Variants in ST6GALNAC3 observed in about 807,000 individuals in gnomAD.
ST6GALNAC3 encodes alpha-N-acetylgalactosaminide alpha-2,6-sialyltransferase 3.
A neutral mutation model predicts 32.7 loss-of-function variants in ST6GALNAC3; 25 were observed. The observed-to-expected ratio is 0.76, with a 90% CI of 0.56 to 1.07. The LOEUF (loss-of-function observed/expected upper bound fraction) is 1.07. Among genes scored for constraint, ST6GALNAC3 ranks in the 50% least tolerant of loss-of-function variants. ST6GALNAC3 has a pLI of 0.00. For synonymous variants in ST6GALNAC3, 129 were observed against 133.1 expected, an observed-to-expected ratio of 0.97 and a Z score of 0.21; for missense variants, 355 against 382.4, an observed-to-expected ratio of 0.93 and a Z score of 0.60.
At chr1:76,606,259 G>A (rs1198555595) in intron 3 of ST6GALNAC3, among the ~76,000 whole-genome samples, 1 of 152,032 alleles carries the variant, frequency 6.6e-6, no homozygotes, top group African/African-American at 2.4e-5. Context: ...TAAAGATAGA[G>A]GCATGCATAT....
chr1:76,482,300 G>T (rs1427282354), intron 3 of ST6GALNAC3, among the ~76,000 whole-genome samples: 1 of 152,006 alleles, frequency 6.6e-6, no homozygotes, highest in Non-Finnish European at 1.5e-5. Flanking sequence ...CTTCTGAGTT[G>T]TTAACAATAA....
chr1:76,243,173 T>G (rs1557721590), intron 1 of ST6GALNAC3, among the ~76,000 whole-genome samples: 2 of 152,228 alleles, frequency 1.3e-5, no homozygotes, highest in African/African-American at 4.8e-5. Context: ...GGTATCTCAT[T>G]GTGGTTTTGA....
Position 76,412,186 on chromosome 1 carries a change from C to A in ST6GALNAC3, c.392C>A (p.Thr131Asn). The change falls in exon 3 of 5, where the codon ACC (threonine) becomes AAC (asparagine). Residue 131 changes from threonine (T) to asparagine (N), a missense_variant. By Grantham distance (65) the Thr-to-Asn change is moderately conservative. Coordinates refer to ENST00000328299, the MANE Select transcript of ST6GALNAC3 (RefSeq NM_152996.4). ...RMTMIRVVSH[T>N]SVPLLLKNPD... ...ACCATGATTCGAGTTGTGTCCCATA[C>A]CAGCGTTCCTCTTTTGCTAAAAAAC... 1 of 1,613,708 alleles carries A rather than the reference C, an allele frequency of 6.2e-7. No homozygotes were observed. Among genetic ancestry groups the A allele is most frequent in the Non-Finnish European group, 8.5e-7 (1 of 1,179,800 alleles).
intron 3 of ST6GALNAC3, among the ~76,000 whole-genome samples, chr1:76,452,271 G>C (rs1307117181): frequency 6.6e-6 from 1 of 151,998 alleles, no homozygotes; most frequent in African/African-American, 2.4e-5. Flanking sequence ...TGCCATCCAC[G>C]TAAGATGTGA....
intron 3 of ST6GALNAC3, among the ~76,000 whole-genome samples, chr1:76,416,034 A>AACAC (rs60710007): frequency 0.039 from 5,674 of 144,354 alleles, 147 homozygotes; most frequent in African/African-American, 0.046. Context: ...TTTATTCCAC[A>AACAC]ACACACACAC....
chr1:76,435,273 G>C (rs1255130013), intron 3 of ST6GALNAC3, among the ~76,000 whole-genome samples: 1 of 152,068 alleles, frequency 6.6e-6, no homozygotes, highest in Non-Finnish European at 1.5e-5. Context: ...AAATCAATTT[G>C]AGAATACATA....
intron 1 of ST6GALNAC3, among the ~76,000 whole-genome samples, chr1:76,291,755 TAA>T (rs34393802): frequency 1.5e-4 from 23 of 151,242 alleles, no homozygotes; most frequent in African/African-American, 3.2e-4. Context: ...AGGAATTTAA[TAA>T]AAAAAAAGGG....
In ST6GALNAC3 at chr1:76,392,588, TAGAC is replaced by T. The variant is rs1308347061; in HGVS notation, c.214-19414_214-19411del. On this transcript the variant is annotated intron_variant, in intron 2 of 4. Transcript: ENST00000328299. ...CCCTTAATGAATACAAATAATTTGA[TAGAC>T]AGACAACCAAGAGAGACTTCATTAA... Among the ~76,000 whole-genome samples the T allele has an allele frequency of 7.9e-5, 12 of 152,324 alleles. No individual in the cohort carries two copies. The South Asian group carries it at 8.3e-4, about 11-fold the overall frequency.
At chr1:76,484,977 A>T (rs1477828528) in intron 3 of ST6GALNAC3, among the ~76,000 whole-genome samples, 1 of 152,212 alleles carries the variant, frequency 6.6e-6, no homozygotes, top group African/African-American at 2.4e-5. Flanking sequence ...CTATTGAGAT[A>T]ACCATGTGGT....
At chr1:76,505,308 G>A (rs894059129) in intron 3 of ST6GALNAC3, among the ~76,000 whole-genome samples, 1 of 152,056 alleles carries the variant, frequency 6.6e-6, no homozygotes, top group East Asian at 1.9e-4. Flanking sequence ...ATTTTTACTA[G>A]AGATGGGGTT....
intron 3 of ST6GALNAC3, among the ~76,000 whole-genome samples, chr1:76,599,083 G>A (rs2100618416): frequency 6.6e-6 from 1 of 152,004 alleles, no homozygotes; most frequent in Non-Finnish European, 1.5e-5. Context: ...CAGACATTTT[G>A]ATAATTGTTG....
At chr1:76,552,738 CT>C (rs773366951) in intron 3 of ST6GALNAC3, among the ~76,000 whole-genome samples, 8 of 151,896 alleles carry the variant, frequency 5.3e-5, no homozygotes, top group Non-Finnish European at 1.0e-4. Flanking sequence ...TTTTATTTTT[CT>C]TTTCTTAAAA....
chr1:76,308,768 G>A (rs1661220573), intron 1 of ST6GALNAC3, among the ~76,000 whole-genome samples: 1 of 152,130 alleles, frequency 6.6e-6, no homozygotes, highest in Non-Finnish European at 1.5e-5. Context: ...TTTGGAAAGT[G>A]GAGAATATTT....
At chr1:76,252,526 C>G (rs1316857642) in intron 1 of ST6GALNAC3, among the ~76,000 whole-genome samples, 4 of 152,050 alleles carry the variant, frequency 2.6e-5, no homozygotes, top group Non-Finnish European at 4.4e-5. Flanking sequence ...TTATATTTTA[C>G]CAGTTCCCTT....
At chr1:76,241,469 A>C (rs1485708899) in intron 1 of ST6GALNAC3, among the ~76,000 whole-genome samples, 3 of 152,148 alleles carry the variant, frequency 2.0e-5, no homozygotes, top group Non-Finnish European at 2.9e-5. Context: ...GAATGAAAAC[A>C]GTGAGAACTC....
At chr1:76,174,129 A>G (rs1434519563) in intron 1 of ST6GALNAC3, among the ~76,000 whole-genome samples, 1 of 152,246 alleles carries the variant, frequency 6.6e-6, no homozygotes, top group Non-Finnish European at 1.5e-5. Flanking sequence ...AATGTGGTAC[A>G]TATACACCAT....
rs566625559 is a variant in ST6GALNAC3 at position 76,412,643 on chromosome 1, G to A, written c.623+226G>A. On this transcript the variant is annotated intron_variant, in intron 3 of 4. Transcript: ENST00000328299. ...TTGGTTTGAGTCTCCAAGAAACACT[G>A]GATACTTCCCCAAGGTATCTTTTGA... Among the ~76,000 whole-genome samples, 5 of 152,058 alleles carry A rather than the reference G, an allele frequency of 3.3e-5. No homozygotes were observed. In the South Asian group the frequency reaches 1.0e-3, roughly 32 times the overall value.
intron 3 of ST6GALNAC3, among the ~76,000 whole-genome samples, chr1:76,572,194 T>G (rs1360564742): frequency 6.6e-6 from 1 of 152,038 alleles, no homozygotes; most frequent in African/African-American, 2.4e-5. Context: ...ACATGAACTG[T>G]CTTTTTTCCT....
chr1:76,197,458 G>A (rs1654269195), intron 1 of ST6GALNAC3, among the ~76,000 whole-genome samples: 1 of 151,222 alleles, frequency 6.6e-6, no homozygotes, highest in Non-Finnish European at 1.5e-5. Context: ...GAAGATAATT[G>A]GGCTGAAGGG....
Sources: allele counts gnomAD v4.1 joint callset (sites outside exome capture counted in the v4.1 genomes callset), GRCh38; gene constraint gnomAD v4.1.1; transcripts MANE v1.5; gene names NCBI Gene and HGNC (gene_info 2026-07-23, HGNC 2026-07-21).